The following SLC29A4 variants were observed in gnomAD, a reference collection of about 807,000 sequenced individuals.
The protein encoded by SLC29A4 is equilibrative nucleoside transporter 4.
SLC29A4 carries 36 observed loss-of-function variants against 43.9 expected under a neutral mutation model. That is an observed-to-expected ratio of 0.82 (90% CI 0.63 to 1.08). The LOEUF is 1.08. Ranked by LOEUF, SLC29A4 falls within the 50% of genes least tolerant of loss-of-function variation. The pLI is 0.00. For synonymous variants in SLC29A4, 491 were observed against 338.0 expected (o/e 1.45, Z -4.97); for missense variants, 869 against 755.3 (o/e 1.15, Z -1.77).
chr7:5,291,878 C>T lies in SLC29A4; in HGVS notation c.544+57C>T. On this transcript the variant is annotated intron_variant, in intron 5 of 10. Transcript: ENST00000396872. ...AGTGCCCACTTCCGACCCCATCCCACCCCAGCCCTGGTCTCCTGCTGGTGG... is the reference window on the plus strand; with the variant it reads ...AGTGCCCACTTCCGACCCCATCCCATCCCAGCCCTGGTCTCCTGCTGGTGG... 9 of 1,564,474 alleles carry T rather than the reference C, an allele frequency of 5.8e-6. No homozygotes were observed. The Admixed American group carries it at 1.5e-4, about 25-fold the overall frequency.
rs530015082 is a variant in SLC29A4, at chr7:5,302,571, C to G, written c.1451-226C>G. On this transcript the variant is annotated intron_variant, in intron 10 of 10. Transcript: ENST00000396872. Reference sequence around the variant, plus strand: ...ATTTTAAAAATGGGGGCTTGGGGGACTCAGAGAAGGCAGGCAAGGCCTGGA... The same window carrying G: ...ATTTTAAAAATGGGGGCTTGGGGGAGTCAGAGAAGGCAGGCAAGGCCTGGA... Among the ~76,000 whole-genome samples, 174 of 152,266 alleles carry G rather than the reference C, an allele frequency of 1.1e-3. 1 individual carries two copies. The highest frequency in any genetic ancestry group is 0.01 in the Middle Eastern group (3 of 294).
At chr7:5,302,058 C>G (rs930109245) in intron 10 of SLC29A4, among the ~76,000 whole-genome samples, 1 of 152,176 alleles carries the variant, frequency 6.6e-6, no homozygotes, top group South Asian at 2.1e-4. Flanking sequence ...TCAAGCAATT[C>G]TCATGCCTCA....
Position 5,297,181 on chromosome 7 carries a change from G to A in SLC29A4, c.865G>A (p.Ala289Thr), listed in dbSNP as rs755895613. Residue 289 changes from alanine (A) to threonine (T), a missense_variant, in exon 7 of 11, where the codon GCC becomes ACC. By Grantham distance (58) the Ala-to-Thr change is moderately conservative (BLOSUM62 0). Coordinates refer to ENST00000396872, the MANE Select transcript of SLC29A4 (RefSeq NM_153247.4). ...CTACCGCGTGCACCACGACGTTGTC[G>A]CCGGGGACGTCCACTTCGTAAGTGC... ...YGYRVHHDVV[A>T]GDVHFEHPAP... 10 of 1,591,984 alleles carry A rather than the reference G, an allele frequency of 6.3e-6. No individual in the cohort carries two copies. Among genetic ancestry groups the A allele is most frequent in the Non-Finnish European group, 3.4e-6 (4 of 1,174,522 alleles).
chr7:5,289,185 C>G (rs1302633219), intron 2 of SLC29A4, among the ~76,000 whole-genome samples: 1 of 152,042 alleles, frequency 6.6e-6, no homozygotes, highest in African/African-American at 2.4e-5. Flanking sequence ...ACACTTGAGC[C>G]CAGGAGTTTG....
rs1213338753 is a variant in SLC29A4, at chr7:5,299,407, C to G, written c.1189C>G (p.Leu397Val). 1.9e-6 allele frequency: 3 copies of G among 1,611,842 alleles called. No homozygotes were observed. Among genetic ancestry groups the G allele is most frequent in the African/African-American group, 2.7e-5 (2 of 74,890 alleles). The change falls in exon 9 of 11, where the codon CTG becomes GTG. Residue 397 changes from leucine to valine, a missense_variant. By Grantham distance (32) the Leu-to-Val change is conservative (BLOSUM62 1). Coordinates refer to ENST00000396872, the MANE Select transcript of SLC29A4 (RefSeq NM_153247.4). Reference protein sequence around the residue: ...LPILIMAVFNLSDFVGKILAA... With the variant: ...LPILIMAVFNVSDFVGKILAA... ...CATCCTCATCATGGCTGTGTTCAAC[C>G]TGTCAGACTTCGTGGGCAAGGTGGG... is the stretch of plus-strand genomic sequence containing the variant.
chr7:5,292,786 C>A (rs1785391525), intron 5 of SLC29A4, among the ~76,000 whole-genome samples: 1 of 147,594 alleles, frequency 6.8e-6, no homozygotes, highest in Non-Finnish European at 1.5e-5. Flanking sequence ...GCAACCTCCG[C>A]CTCCCGGGTT....
intron 1 of SLC29A4, among the ~76,000 whole-genome samples, chr7:5,287,177 G>A (rs4436026): frequency 0.46 from 69,926 of 152,068 alleles, 17,809 homozygotes; most frequent in Non-Finnish European, 0.58. Flanking sequence ...TGTAACCCCC[G>A]CACTTTGGGA....
rs1170554243 is a variant in SLC29A4 at position 5,296,947 on chromosome 7, GTGA to G, written c.636_638del (p.Met212del). 1 of 1,560,766 alleles carries G rather than the reference GTGA, an allele frequency of 6.4e-7. No individual in the cohort carries two copies. The highest frequency in any genetic ancestry group is 8.7e-7 in the Non-Finnish European group (1 of 1,151,712). On this transcript the variant is annotated inframe_deletion, in exon 7 of 11. Transcript: ENST00000396872. The stretch of plus-strand genomic sequence containing the variant: ...TGCACGCCCCCCAGGCACGGCGGGC[GTGA>G]TGATCTCTCTGAGCCGCATCCTCAC...
intron 6 of SLC29A4, among the ~76,000 whole-genome samples, chr7:5,295,527 C>T (rs906820054): frequency 6.6e-6 from 1 of 152,244 alleles, no homozygotes; most frequent in African/African-American, 2.4e-5. Context: ...CCCCTGGCCT[C>T]CAGCCCCTGC....
chr7:5,302,744 G>GCCA (rs1786256383), intron 10 of SLC29A4, 53 bp from the exon 11 acceptor site: 5 of 1,521,220 alleles, frequency 3.3e-6, no homozygotes, highest in Non-Finnish European at 3.5e-6. Context: ...AGCAGCCGTG[G>GCCA]CCACCAGGTG....
In SLC29A4 at chr7:5,299,094, C is replaced by T. The variant is rs761546089; in HGVS notation, c.989C>T (p.Pro330Leu). ...GAYMRFDVPRPRVQRSWPTFR... is the reference protein window; with the variant it reads ...GAYMRFDVPRLRVQRSWPTFR... ...TACATGCGCTTTGATGTGCCGCGGCCAAGGGTCCAGCGCAGCTGGCCCACC... is the reference window on the plus strand; with the variant it reads ...TACATGCGCTTTGATGTGCCGCGGCTAAGGGTCCAGCGCAGCTGGCCCACC... The change falls in exon 8 of 11, where the codon CCA becomes CTA. Residue 330 changes from proline (P) to leucine (L), a missense_variant. Physicochemically the swap from Pro to Leu is moderately conservative, Grantham distance 98. Coordinates refer to ENST00000396872, the MANE Select transcript of SLC29A4 (RefSeq NM_153247.4). 1.9e-6 allele frequency: 3 copies of T among 1,610,700 alleles called. No homozygotes were observed. Among genetic ancestry groups the T allele is most frequent in the Non-Finnish European group, 1.7e-6 (2 of 1,179,386 alleles).
chr7:5,296,768 T>G (rs919480204), intron 6 of SLC29A4, among the ~76,000 whole-genome samples, 168 bp from the exon 7 acceptor site: 3 of 93,860 alleles, frequency 3.2e-5, no homozygotes, highest in African/African-American at 1.5e-4. Flanking sequence ...GGCCTGTGGG[T>G]GGGGGCAGGG....
chr7:5,297,377 T>C (rs1032579748), intron 7 of SLC29A4, among the ~76,000 whole-genome samples, 179 bp downstream of exon 7: 3 of 152,326 alleles, frequency 2.0e-5, no homozygotes, highest in South Asian at 4.1e-4. Flanking sequence ...TGATGTGGCT[T>C]CTTACTGGCA....
intron 10 of SLC29A4, among the ~76,000 whole-genome samples, chr7:5,302,460 G>A (rs1052346493): frequency 2.6e-5 from 4 of 152,148 alleles, no homozygotes; most frequent in South Asian, 2.1e-4. Flanking sequence ...GGAGGATCGC[G>A]TGAGCCCAGG....
At chr7:5,298,773 C>T (rs1785900116) in intron 7 of SLC29A4, among the ~76,000 whole-genome samples, 1 of 152,142 alleles carries the variant, frequency 6.6e-6, no homozygotes, top group South Asian at 2.1e-4. Context: ...GCACTCCAGC[C>T]TCGGCAACAG....
intron 7 of SLC29A4, among the ~76,000 whole-genome samples, chr7:5,297,706 C>T (rs1432432826): frequency 6.6e-6 from 1 of 152,182 alleles, no homozygotes; most frequent in Non-Finnish European, 1.5e-5. Flanking sequence ...ACCCTGGTTT[C>T]CCTGAGGGAA....
intron 7 of SLC29A4, among the ~76,000 whole-genome samples, chr7:5,298,205 C>T (rs1347116713): frequency 1.3e-5 from 2 of 152,134 alleles, no homozygotes; most frequent in African/African-American, 4.8e-5. Context: ...CCAGGGGAGC[C>T]CCCAGACCCA....
intron 5 of SLC29A4, among the ~76,000 whole-genome samples, chr7:5,293,491 CTT>C (rs1785446467): frequency 1.3e-5 from 2 of 152,132 alleles, no homozygotes; most frequent in South Asian, 2.1e-4. Context: ...CTTTCAAACT[CTT>C]TTTGACCATG....
chr7:5,283,711 AG>A lies in SLC29A4; in HGVS notation c.-9+630del, dbSNP rs879433510. Among the ~76,000 whole-genome samples, 126 of 152,216 alleles carry A rather than the reference AG, an allele frequency of 8.3e-4. 1 individual carries two copies. The highest frequency in any genetic ancestry group is 2.9e-3 in the African/African-American group (121 of 41,544). ...ACCCCCACAGGAGTTGGAGCAGCTT[AG>A]ACCGCTGGGCTGCGGAAAGGGCAGC... On this transcript the variant is annotated intron_variant, in intron 1 of 10. Transcript: ENST00000396872.
Sources: gnomAD v4.1 joint callset for allele counts (sites outside exome capture counted in the v4.1 genomes callset) on GRCh38, gnomAD v4.1.1 for gene constraint, MANE v1.5 for transcripts, NCBI Gene and HGNC (gene_info 2026-07-23, HGNC 2026-07-21) for gene names.